FAM174C: variants seen among roughly 807,000 people sequenced by gnomAD.
FAM174C encodes the protein protein FAM174C.
A neutral mutation model predicts 12.3 loss-of-function variants in FAM174C; 19 were observed. The observed-to-expected ratio is 1.55, with a 90% CI of 1.08 to 2.27. The LOEUF is 2.27. Among genes scored for constraint, FAM174C ranks in the 30% most tolerant of loss-of-function variants. FAM174C has a pLI of 0.00. For synonymous variants in FAM174C, 147 were observed against 103.5 expected, an observed-to-expected ratio of 1.42 and a Z score of -2.55; for missense variants, 239 against 190.2, an observed-to-expected ratio of 1.26 and a Z score of -1.51.
Position 1,275,578 on chromosome 19 carries a change from T to C in FAM174C, c.29T>C (p.Leu10Pro), listed in dbSNP as rs1403643705. The change falls in exon 1 of 3, where the codon CTG (leucine) becomes CCG (proline). Residue 10 changes from leucine to proline, a missense_variant. By Grantham distance (98) the Leu-to-Pro change is moderately conservative. Transcript: ENST00000409293. ...GGGCCGCGCGTGCTGCAGCCGCCGC[T>C]GCTGCTGCTCCTGCTGGCGCTGCTG... Reference protein sequence around the residue: MGPRVLQPPLLLLLLALLLA... With the variant: MGPRVLQPPPLLLLLALLLA... 7 of 1,223,050 alleles carry C rather than the reference T, an allele frequency of 5.7e-6. No homozygotes were observed. The highest frequency in any genetic ancestry group is 4.4e-5 in the Admixed American group (1 of 22,676). 75.8% of individuals were successfully genotyped at this position (1,223,050 alleles called of 1,614,324 possible). A position where few individuals can be genotyped will look rare whatever the true frequency, so the allele number is the denominator to read the frequency against.
At chr19:1,277,126 A>G in intron 1 of FAM174C, 57 bp from the exon 2 acceptor site, 1 of 1,506,490 alleles carries the variant, frequency 6.6e-7, no homozygotes, top group Non-Finnish European at 9.0e-7. Flanking sequence ...TCCTGAGGGA[A>G]GGAGGAGGCA....
At chr19:1,277,686 C>G (rs1328095998) in intron 2 of FAM174C, among the ~76,000 whole-genome samples, 3 of 152,062 alleles carry the variant, frequency 2.0e-5, no homozygotes, top group African/African-American at 7.2e-5. Context: ...GTTGGCCAGG[C>G]TGGGTTCCAG....
chr19:1,276,061 C>T (rs1014956380), intron 1 of FAM174C: 17 of 525,658 alleles, frequency 3.2e-5, no homozygotes, highest in Middle Eastern at 5.0e-4. Flanking sequence ...AGGTGCCCAG[C>T]GCGCCGCCTC....
Position 1,275,575 on chromosome 19 carries a change from CGCTGCTGCT to C in FAM174C, c.30_38del (p.Leu13_Leu15del), listed in dbSNP as rs921409765. 2.1e-4 allele frequency: 259 copies of C among 1,226,146 alleles called. No individual in the cohort carries two copies. The African/African-American group carries it at 3.4e-3, about 16-fold the overall frequency. 76.0% of individuals were successfully genotyped at this position (1,226,146 alleles called of 1,614,324 possible). Reference sequence around the variant, plus strand: ...ATGGGGCCGCGCGTGCTGCAGCCGCCGCTGCTGCTGCTCCTGCTGGCGCTGCTGCTGGCG... The same window carrying C: ...ATGGGGCCGCGCGTGCTGCAGCCGCCGCTCCTGCTGGCGCTGCTGCTGGCG... On this transcript the variant is annotated inframe_deletion, in exon 1 of 3. Transcript: ENST00000409293.
intron 2 of FAM174C, 50 bp downstream of exon 2, chr19:1,277,349 A>G: frequency 6.6e-7 from 1 of 1,522,924 alleles, no homozygotes; most frequent in South Asian, 1.2e-5. Flanking sequence ...GCTGGGCTGG[A>G]GACTCAGCAG....
chr19:1,275,931 C>CCTCCCTTCCTCT (rs2081411924), intron 1 of FAM174C, 101 bp downstream of exon 1: 4 of 1,031,310 alleles, frequency 3.9e-6, no homozygotes, highest in Non-Finnish European at 5.6e-6. Context: ...TCCCTCCCTC[C>CCTCCCTTCCTCT]CTCCCTCCCT....
At chr19:1,277,559 C>T (rs772055413) in intron 2 of FAM174C, among the ~76,000 whole-genome samples, 1 of 152,182 alleles carries the variant, frequency 6.6e-6, no homozygotes, top group Non-Finnish European at 1.5e-5. Context: ...CAACCTCCGC[C>T]TCCGGGATTG....
chr19:1,275,876 A>T lies in FAM174C; in HGVS notation c.281+46A>T, dbSNP rs2081411066. The T allele has an allele frequency of 4.6e-6, 7 of 1,512,132 alleles. No individual in the cohort carries two copies. The East Asian group carries it at 1.7e-4, about 37-fold the overall frequency. 93.7% of individuals were successfully genotyped at this position (1,512,132 alleles called of 1,614,324 possible). The stretch of plus-strand genomic sequence containing the variant: ...CGCCGTCTCTCAGCCTTGGCCAATT[A>T]GCGCGCGCCTAGTGCGTCACGTGCC... On this transcript the variant is annotated intron_variant, in intron 1 of 2. Transcript: ENST00000409293.
intron 1 of FAM174C, chr19:1,276,053 G>A (rs970871016): frequency 1.9e-6 from 1 of 539,640 alleles, no homozygotes; most frequent in Non-Finnish European, 3.2e-6. Context: ...GGGGTTGGAG[G>A]TGCCCAGCGC....
At chr19:1,278,676 G>A (rs1370805770) in intron 2 of FAM174C, 101 bp from the exon 3 acceptor site, 67 of 1,561,412 alleles carry the variant, frequency 4.3e-5, no homozygotes, top group Admixed American at 9.4e-5. Context: ...AGACCGAGGG[G>A]CCTGGACAGG....
In FAM174C at chr19:1,275,561, C is replaced by CGTGCTGCAGCCGCCGCTGCTG; in HGVS notation, c.13_33dup (p.Val5_Leu11dup). ...GCTTCCGCCGGGCCATGGGGCCGCG[C>CGTGCTGCAGCCGCCGCTGCTG]GTGCTGCAGCCGCCGCTGCTGCTGC... On this transcript the variant is annotated inframe_insertion, in exon 1 of 3. Coordinates refer to ENST00000409293, the MANE Select transcript of FAM174C (RefSeq NM_017914.4). 8.2e-7 allele frequency: 1 copy of CGTGCTGCAGCCGCCGCTGCTG among 1,217,490 alleles called. No individual in the cohort carries two copies. The highest frequency in any genetic ancestry group is 1.0e-6 in the Non-Finnish European group (1 of 979,662). 75.4% of individuals were successfully genotyped at this position (1,217,490 alleles called of 1,614,324 possible).
Position 1,278,705 on chromosome 19 carries a change from C to T in FAM174C, c.*-72C>T, listed in dbSNP as rs573830723. On this transcript the variant is annotated intron_variant, in intron 2 of 2. Transcript: ENST00000409293. ...GGACAGGCTGCCTGCCCCTGCCTGA[C>T]CTGGGTGAGCCTCTGCCCGGCAGGG... is the stretch of plus-strand genomic sequence containing the variant. The T allele has an allele frequency of 9.2e-5, 146 of 1,593,782 alleles. No individual in the cohort carries two copies. The South Asian group carries it at 1.5e-3, about 16-fold the overall frequency.
chr19:1,275,653 C>G lies in FAM174C; in HGVS notation c.104C>G (p.Ala35Gly), dbSNP rs1462704949. The G allele has an allele frequency of 3.5e-6, 5 of 1,409,890 alleles. No individual in the cohort carries two copies. Among genetic ancestry groups the G allele is most frequent in the Non-Finnish European group, 4.6e-6 (5 of 1,095,470 alleles). The allele number at this position is 1,409,890 out of a possible 1,614,324, so 87.3% of individuals were successfully genotyped here. ...GAAGAGGCCTCGCCGCTGCGCCCCG[C>G]GCAGGTCACGTTGTCGCCGCCGCCG... Reference protein sequence around the residue: ...GAEEASPLRPAQVTLSPPPAV... With the variant: ...GAEEASPLRPGQVTLSPPPAV... Residue 35 changes from alanine (A) to glycine (G), a missense_variant, in exon 1 of 3, where the codon GCG becomes GGG. Ala to Gly is a moderately conservative substitution (Grantham distance 60). Coordinates refer to ENST00000409293, the MANE Select transcript of FAM174C (RefSeq NM_017914.4).
At chr19:1,277,890 G>A (rs117487667) in intron 2 of FAM174C, 8,756 of 152,978 alleles carry the variant, frequency 0.057, 378 homozygotes, top group Middle Eastern at 0.11. Context: ...TTCTCCCATC[G>A]CAGCCTCCTG....
Position 1,275,727 on chromosome 19 carries a change from A to G in FAM174C, c.178A>G (p.Thr60Ala), listed in dbSNP as rs1237513974. The G allele has an allele frequency of 5.9e-6, 9 of 1,533,432 alleles. No individual in the cohort carries two copies. The highest frequency in any genetic ancestry group is 6.1e-6 in the Non-Finnish European group (7 of 1,144,098). 95.0% of individuals were successfully genotyped at this position (1,533,432 alleles called of 1,614,324 possible). A position where few individuals can be genotyped will look rare whatever the true frequency, so the allele number is the denominator to read the frequency against. The change falls in exon 1 of 3, where the codon ACG becomes GCG. Residue 60 changes from threonine (T) to alanine (A), a missense_variant. Thr to Ala is a moderately conservative substitution (Grantham distance 58, BLOSUM62 0). Coordinates refer to ENST00000409293, the MANE Select transcript of FAM174C (RefSeq NM_017914.4). ...QPGAPHNSTH[T>A]RPPGASGSAL... is the part of the protein sequence containing the mutation. ...GGGCGCGCCACACAACAGCACGCAC[A>G]CGCGTCCGCCGGGGGCGTCGGGCTC...
Position 1,279,042 on chromosome 19 carries a change from G to A in FAM174C, c.*265G>A. 1 of 1,611,780 alleles carries A rather than the reference G, an allele frequency of 6.2e-7. No individual in the cohort carries two copies. On this transcript the variant is annotated 3_prime_UTR_variant, in exon 3 of 3. Transcript: ENST00000409293. ...CCGAGGGTCCCAGGTGAAGACTGGAGGGACCCCAACAGCCACCGCCCAGGA... is the reference window on the plus strand; with the variant it reads ...CCGAGGGTCCCAGGTGAAGACTGGAAGGACCCCAACAGCCACCGCCCAGGA...
intron 2 of FAM174C, 54 bp from the exon 3 acceptor site, chr19:1,278,723 C>G (rs534773155): frequency 6.2e-7 from 1 of 1,605,880 alleles, no homozygotes; most frequent in African/African-American, 1.3e-5. Context: ...AGCCTCTGCC[C>G]GGCAGGGCGG....
Position 1,277,309 on chromosome 19 carries a change from C to T in FAM174C, c.398+10C>T. On this transcript the variant is annotated intron_variant, in intron 2 of 2. Transcript: ENST00000409293. The stretch of plus-strand genomic sequence containing the variant: ...CCCGGAATCTGAGATGGTGTGCACC[C>T]TTCCCCAGCTCTGGGGCCTCGGTGG... 6.5e-7 allele frequency: 1 copy of T among 1,537,392 alleles called. No homozygotes were observed. Among genetic ancestry groups the T allele is most frequent in the South Asian group, 1.2e-5 (1 of 83,728 alleles).
In FAM174C at chr19:1,278,892, G is replaced by A. The variant is rs2081427495; in HGVS notation, c.*115G>A. On this transcript the variant is annotated 3_prime_UTR_variant, in exon 3 of 3. Coordinates refer to ENST00000409293, the MANE Select transcript of FAM174C (RefSeq NM_017914.4). ...CCGCTCATTCCCCTGCTGGCCCCGGGGCTGGTCTCACCCAGTGCCAACCCG... is the reference window on the plus strand; with the variant it reads ...CCGCTCATTCCCCTGCTGGCCCCGGAGCTGGTCTCACCCAGTGCCAACCCG... The A allele has an allele frequency of 6.2e-7, 1 of 1,613,114 alleles. No homozygotes were observed. Among genetic ancestry groups the A allele is most frequent in the African/African-American group, 1.3e-5 (1 of 75,050 alleles).
Sources: gnomAD v4.1 joint callset for allele counts (sites outside exome capture counted in the v4.1 genomes callset) on GRCh38, gnomAD v4.1.1 for gene constraint, MANE v1.5 for transcripts, NCBI Gene and HGNC (gene_info 2026-07-23, HGNC 2026-07-21) for gene names.